The following MED13L variants were observed in gnomAD, a reference collection of about 807,000 sequenced individuals.
MED13L encodes the protein mediator of RNA polymerase II transcription subunit 13-like.
A neutral mutation model predicts 220.9 loss-of-function variants in MED13L; 7 were observed. The ratio of observed to expected loss-of-function variants is 0.03; its 90% confidence interval spans 0.02 to 0.06. MED13L has a LOEUF of 0.06. MED13L is among the 10% of genes least tolerant of loss of function. The pLI, the probability that MED13L is intolerant of heterozygous loss-of-function variation, is 1.00. For synonymous variants in MED13L, 1,011 were observed against 1,015.2 expected (o/e 1.00, Z 0.08); for missense variants, 1,965 against 2,760.5 (o/e 0.71, Z 6.46).
chr12:116,047,279 A>G (rs1881896896), intron 4 of MED13L, among the ~76,000 whole-genome samples: 1 of 152,146 alleles, frequency 6.6e-6, no homozygotes, highest in Admixed American at 6.5e-5. Flanking sequence ...GCTTGAATCC[A>G]AAAGGTCAAG....
intron 4 of MED13L, among the ~76,000 whole-genome samples, chr12:116,049,804 T>G (rs886969592): frequency 6.6e-6 from 1 of 152,168 alleles, no homozygotes; most frequent in African/African-American, 2.4e-5. Flanking sequence ...TAAAAACATC[T>G]GAGGACTACA....
At position 115,987,515 on chromosome 12, in the gene MED13L, T is replaced by A. The variant is rs1290673744; in HGVS notation, c.3935-227A>T. Among the ~76,000 whole-genome samples the A allele has an allele frequency of 2.0e-5, 3 of 152,212 alleles. No homozygotes were observed. The East Asian group carries it at 5.8e-4, about 29-fold the overall frequency. On this transcript the variant is annotated intron_variant, in intron 17 of 30. Coordinates refer to ENST00000281928, the MANE Select transcript of MED13L (RefSeq NM_015335.5). ...TAATAAAAGGGGAAATGGATTACTC[T>A]ATATAAAAAAGTTTAATGGAAGAAT... is the stretch of plus-strand genomic sequence containing the variant.
Position 116,003,062 on chromosome 12 carries a change from A to C in MED13L, c.2510T>G (p.Val837Gly). The C allele has an allele frequency of 6.2e-7, 1 of 1,614,120 alleles. No homozygotes were observed. Among genetic ancestry groups the C allele is most frequent in the Non-Finnish European group, 8.5e-7 (1 of 1,179,968 alleles). ...CCCAAGAGGTCGGTCTTCTGTCCCA[A>C]CTGCAGGCATTTTTGATGAGCGCAG... is the stretch of plus-strand genomic sequence containing the variant. ...PALRSSKMPA[V>G]GTEDRPLGKD... is the part of the protein sequence containing the mutation. Residue 837 changes from valine (V) to glycine (G), a missense_variant, in exon 14 of 31, where the codon GTT becomes GGT. Around this residue, in one of 10 missense-constraint regions of MED13L, gnomAD observed 818 missense variants for 1,041.2 expected, o/e 0.79. Coordinates refer to ENST00000281928, the MANE Select transcript of MED13L (RefSeq NM_015335.5).
intron 25 of MED13L, chr12:115,972,534 T>C: frequency 2.6e-6 from 1 of 389,614 alleles, no homozygotes; most frequent in East Asian, 6.1e-5. Context: ...GCACTTAGAG[T>C]GCTTTTCCAT....
intron 2 of MED13L, among the ~76,000 whole-genome samples, chr12:116,229,590 C>A (rs1316860625): frequency 6.6e-6 from 1 of 152,148 alleles, no homozygotes; most frequent in African/African-American, 2.4e-5. Flanking sequence ...ATTTTACTTA[C>A]ACTCAAAAGA....
chr12:116,217,955 C>T (rs1400091701), intron 2 of MED13L, among the ~76,000 whole-genome samples: 1 of 152,208 alleles, frequency 6.6e-6, no homozygotes, highest in Non-Finnish European at 1.5e-5. Context: ...ATATCTCAGT[C>T]TCCTGGAAGT....
At chr12:116,019,005 A>C (rs1225165515) in intron 7 of MED13L, among the ~76,000 whole-genome samples, 1 of 152,134 alleles carries the variant, frequency 6.6e-6, no homozygotes, top group Non-Finnish European at 1.5e-5. Context: ...TAAACTATTT[A>C]ATAACAATAA....
rs1878890361 is a variant in MED13L at position 116,003,815 on chromosome 12, A to G, written c.2470-713T>C. 2.0e-5 allele frequency among the ~76,000 whole-genome samples: 3 copies of G among 152,206 alleles called. 1 individual carries two copies. In the South Asian group the frequency reaches 6.2e-4, roughly 32 times the overall value. On this transcript the variant is annotated intron_variant, in intron 13 of 30. Transcript: ENST00000281928. ...GAAATGTAAAATTAAAATTAAATTC[A>G]AAGACACATGAGATGACAACTCAGC...
intron 4 of MED13L, among the ~76,000 whole-genome samples, chr12:116,076,257 C>G (rs117324013): frequency 0.02 from 2,972 of 152,190 alleles, 54 homozygotes; most frequent in Middle Eastern, 0.054. Context: ...TTAATGGGGG[C>G]CAAGCATGGT....
chr12:116,193,189 T>C (rs961200906), intron 2 of MED13L, among the ~76,000 whole-genome samples: 1 of 152,128 alleles, frequency 6.6e-6, no homozygotes, highest in Non-Finnish European at 1.5e-5. Context: ...CTCACTCCTG[T>C]AGTCACAGCT....
chr12:116,139,350 A>C (rs1876853770), intron 2 of MED13L, among the ~76,000 whole-genome samples: 1 of 152,204 alleles, frequency 6.6e-6, no homozygotes, highest in Non-Finnish European at 1.5e-5. Flanking sequence ...ACTCACCTGG[A>C]AACAATGCAT....
chr12:116,054,207 CACACAA>C (rs925298071), intron 4 of MED13L, among the ~76,000 whole-genome samples: 38 of 148,204 alleles, frequency 2.6e-4, no homozygotes, highest in African/African-American at 8.8e-4. Flanking sequence ...CACACACACA[CACACAA>C]ACACACACAC....
chr12:116,105,562 A>T (rs1311545003), intron 3 of MED13L, among the ~76,000 whole-genome samples: 1 of 152,184 alleles, frequency 6.6e-6, no homozygotes, highest in Non-Finnish European at 1.5e-5. Context: ...AATTACAAAT[A>T]AAAAATGTAC....
At chr12:116,068,526 C>T (rs1469213577) in intron 4 of MED13L, among the ~76,000 whole-genome samples, 1 of 152,138 alleles carries the variant, frequency 6.6e-6, no homozygotes, top group Non-Finnish European at 1.5e-5. Flanking sequence ...ATGGCAAAAT[C>T]TTGACACAGA....
chr12:116,264,706 C>A (rs1471930358), intron 1 of MED13L, among the ~76,000 whole-genome samples: 1 of 152,148 alleles, frequency 6.6e-6, no homozygotes, highest in East Asian at 1.9e-4. Flanking sequence ...TTCCTTGTAT[C>A]TTCCATCTTT....
At chr12:116,223,384 A>G (rs1445705746) in intron 2 of MED13L, among the ~76,000 whole-genome samples, 1 of 152,196 alleles carries the variant, frequency 6.6e-6, no homozygotes, top group Non-Finnish European at 1.5e-5. Flanking sequence ...TTAAATTTCC[A>G]TTTAAAAAAT....
intron 27 of MED13L, 57 bp from the exon 28 acceptor site, chr12:115,969,154 TATC>T (rs1245753943): frequency 6.4e-7 from 1 of 1,561,150 alleles, no homozygotes; most frequent in East Asian, 2.3e-5. Context: ...CACATATCAA[TATC>T]ATAATAATCC....
At chr12:116,203,594 C>T (rs1039976778) in intron 2 of MED13L, among the ~76,000 whole-genome samples, 1 of 151,958 alleles carries the variant, frequency 6.6e-6, no homozygotes, top group Non-Finnish European at 1.5e-5. Flanking sequence ...CCGAAGTGGG[C>T]AAATCACCTA....
chr12:116,229,356 T>C (rs1343633774), intron 2 of MED13L, among the ~76,000 whole-genome samples: 3 of 152,246 alleles, frequency 2.0e-5, no homozygotes, highest in African/African-American at 7.2e-5. Flanking sequence ...TCAGGTTTAC[T>C]TTATATAAGT....
Sources: gnomAD v4.1 joint callset for allele counts (sites outside exome capture counted in the v4.1 genomes callset) on GRCh38, gnomAD v4.1.1 for gene constraint, gnomAD v4.1.1 regional missense constraint, MANE v1.5 for transcripts, NCBI Gene and HGNC (gene_info 2026-07-23, HGNC 2026-07-21) for gene names.